RAB27B: variants seen among roughly 807,000 people sequenced by gnomAD.
The protein encoded by RAB27B is RAB27B, member RAS oncogene family.
A neutral mutation model predicts 24.6 loss-of-function variants in RAB27B; 15 were observed. That is an observed-to-expected ratio of 0.61 (90% CI 0.41 to 0.94). RAB27B has a LOEUF of 0.94. RAB27B is among the 40% of genes least tolerant of loss of function. The pLI is 0.00. For missense variants in RAB27B, 261 were observed against 266.8 expected, an observed-to-expected ratio of 0.98 and a Z score of 0.15; for synonymous variants, 105 against 92.5, an observed-to-expected ratio of 1.14 and a Z score of -0.78.
At chr18:54,813,140 A>G (rs1262904137) in intron 2 of RAB27B, among the ~76,000 whole-genome samples, 2 of 152,080 alleles carry the variant, frequency 1.3e-5, no homozygotes, top group East Asian at 1.9e-4. Flanking sequence ...CCCAGCGCTG[A>G]AGGGGTTTTC....
rs1196056435 is a variant in RAB27B at position 54,892,177 on chromosome 18, A to G, written c.*2764A>G. ...ATCTCCCAATGCTTTAGTAAAACGT[A>G]TTTAGGAGAAATGTTGAAAATGTAC... On this transcript the variant is annotated 3_prime_UTR_variant, in exon 6 of 6. Coordinates refer to ENST00000262094, the MANE Select transcript of RAB27B (RefSeq NM_004163.4). 2 of 152,096 alleles carry G rather than the reference A, an allele frequency of 1.3e-5. No individual in the cohort carries two copies. The highest frequency in any genetic ancestry group is 4.8e-5 in the African/African-American group (2 of 41,436). 9.4% of individuals were successfully genotyped at this position (152,096 alleles called of 1,614,324 possible). A position where few individuals can be genotyped will look rare whatever the true frequency, so the allele number is the denominator to read the frequency against.
chr18:54,725,988 T>C (rs1051116872), intron 2 of RAB27B, among the ~76,000 whole-genome samples: 4 of 151,634 alleles, frequency 2.6e-5, no homozygotes, highest in African/African-American at 9.7e-5. Context: ...CTTCAATATA[T>C]TGATACTTCA....
At chr18:54,757,701 G>C (rs1446498035) in intron 2 of RAB27B, among the ~76,000 whole-genome samples, 1 of 152,010 alleles carries the variant, frequency 6.6e-6, no homozygotes, top group Non-Finnish European at 1.5e-5. Flanking sequence ...ATTTTTCTTT[G>C]TAAACACTGA....
Position 54,738,170 on chromosome 18 carries a change from A to G in RAB27B, c.-20+20029A>G, listed in dbSNP as rs111339999. Among the ~76,000 whole-genome samples, 403 of 152,230 alleles carry G rather than the reference A, an allele frequency of 2.6e-3. 1 individual carries two copies. The highest frequency in any genetic ancestry group is 4.9e-3 in the Non-Finnish European group (336 of 68,010). On this transcript the variant is annotated intron_variant, in intron 2 of 4. Coordinates refer to the RAB27B transcript ENST00000586570. ...GTCATAATCTTGTCTTTCTGCATAT[A>G]TTTCTCATTATTTATTTTATAGCTG...
chr18:54,863,175 G>A (rs1304742855), intron 1 of RAB27B, among the ~76,000 whole-genome samples: 1 of 152,046 alleles, frequency 6.6e-6, no homozygotes, highest in Non-Finnish European at 1.5e-5. Context: ...ACCTGATTAA[G>A]TATATATGTG....
chr18:54,775,575 C>A (rs1598895253), intron 2 of RAB27B, among the ~76,000 whole-genome samples: 1 of 152,284 alleles, frequency 6.6e-6, no homozygotes, highest in African/African-American at 2.4e-5. Context: ...TGGAGTCTGA[C>A]CCCAGAATAA....
chr18:54,817,114 C>G (rs934247555), intron 2 of RAB27B, among the ~76,000 whole-genome samples: 1 of 152,296 alleles, frequency 6.6e-6, no homozygotes, highest in Non-Finnish European at 1.5e-5. Flanking sequence ...ATTCTGTGTT[C>G]TTTTCCTTGA....
chr18:54,849,571 A>T (rs1214107151), intron 1 of RAB27B, among the ~76,000 whole-genome samples: 2 of 152,104 alleles, frequency 1.3e-5, no homozygotes, highest in African/African-American at 4.8e-5. Flanking sequence ...AAATATAAAA[A>T]TTAGCCAGAC....
chr18:54,882,964 G>A (rs1912987066), intron 3 of RAB27B, among the ~76,000 whole-genome samples: 1 of 152,138 alleles, frequency 6.6e-6, no homozygotes, highest in Non-Finnish European at 1.5e-5. Context: ...TGTTGAAGTT[G>A]TCCAGGTGAG....
intron 1 of RAB27B, among the ~76,000 whole-genome samples, chr18:54,829,531 G>A (rs1369089912): frequency 6.6e-6 from 1 of 152,056 alleles, no homozygotes; most frequent in African/African-American, 2.4e-5. Flanking sequence ...TAAATTTCAA[G>A]GTTATTAACA....
At chr18:54,877,253 C>T (rs1912739887) in intron 1 of RAB27B, among the ~76,000 whole-genome samples, 1 of 152,116 alleles carries the variant, frequency 6.6e-6, no homozygotes, top group Non-Finnish European at 1.5e-5. Context: ...ATGAGTCAAA[C>T]CTCATTCCTT....
chr18:54,819,190 C>T (rs1051137678), intron 2 of RAB27B, among the ~76,000 whole-genome samples: 8 of 146,296 alleles, frequency 5.5e-5, no homozygotes, highest in Non-Finnish European at 1.0e-4. Flanking sequence ...ATATTATATA[C>T]TATAAATATT....
chr18:54,761,340 T>C (rs1410956932), intron 2 of RAB27B, among the ~76,000 whole-genome samples: 1 of 152,178 alleles, frequency 6.6e-6, no homozygotes, highest in Admixed American at 6.5e-5. Context: ...GTTGTTACAG[T>C]CCTAAAGTTT....
At chr18:54,788,139 G>T (rs536264117) in intron 2 of RAB27B, among the ~76,000 whole-genome samples, 1 of 152,246 alleles carries the variant, frequency 6.6e-6, no homozygotes, top group Admixed American at 6.5e-5. Context: ...AATTAGCCCA[G>T]ACTGAATTTA....
chr18:54,837,776 TTATA>T (rs1178617250), intron 1 of RAB27B, among the ~76,000 whole-genome samples: 1 of 152,118 alleles, frequency 6.6e-6, no homozygotes, highest in Non-Finnish European at 1.5e-5. Flanking sequence ...ATATATCTAA[TTATA>T]TATATGTGTG....
intron 2 of RAB27B, among the ~76,000 whole-genome samples, chr18:54,735,112 TG>T (rs1372984517): frequency 6.6e-6 from 1 of 152,178 alleles, no homozygotes. Context: ...TGGCATTACT[TG>T]TTCTGCCAGG....
At chr18:54,818,001 A>G (rs1910171835) in intron 2 of RAB27B, among the ~76,000 whole-genome samples, 1 of 152,146 alleles carries the variant, frequency 6.6e-6, no homozygotes, top group African/African-American at 2.4e-5. Context: ...CCCCCATTGA[A>G]GTCGAAGTTG....
At chr18:54,867,591 C>T (rs1035917385) in intron 1 of RAB27B, among the ~76,000 whole-genome samples, 4 of 151,744 alleles carry the variant, frequency 2.6e-5, no homozygotes, top group Admixed American at 1.3e-4. Flanking sequence ...GGATTACAGG[C>T]GCGTGCCACC....
intron 2 of RAB27B, among the ~76,000 whole-genome samples, chr18:54,742,527 A>C (rs577571843): frequency 3.3e-5 from 5 of 152,284 alleles, no homozygotes. Flanking sequence ...CTAAGAATAC[A>C]TTTGCTATGT....
Sources: gnomAD v4.1 joint callset for allele counts (sites outside exome capture counted in the v4.1 genomes callset) on GRCh38, gnomAD v4.1.1 for gene constraint, MANE v1.5 for transcripts, NCBI Gene and HGNC (gene_info 2026-07-23, HGNC 2026-07-21) for gene names.